TMEM26: variants seen among roughly 807,000 people sequenced by gnomAD.
The protein encoded by TMEM26 is transmembrane protein 26.
TMEM26 carries 38 observed loss-of-function variants against 28.8 expected under a neutral mutation model. The observed-to-expected ratio is 1.32, with a 90% CI of 1.02 to 1.73. TMEM26 has a LOEUF of 1.73. TMEM26 is among the 40% of genes most tolerant of loss of function. The pLI is 0.00. For missense variants in TMEM26, 518 were observed against 447.1 expected, an observed-to-expected ratio of 1.16 and a Z score of -1.43; for synonymous variants, 227 against 182.9, an observed-to-expected ratio of 1.24 and a Z score of -1.95.
chr10:61,410,298 C>T lies in TMEM26; in HGVS notation c.*24G>A, dbSNP rs1839546537. ...GAAGAACCAGGGAGTCAGGTTCTAG[C>T]CGCAGACCACTGTCAATCAATAACT... On this transcript the variant is annotated 3_prime_UTR_variant, in exon 6 of 6. Coordinates refer to ENST00000399298, the MANE Select transcript of TMEM26 (RefSeq NM_178505.8). 3 of 1,582,080 alleles carry T rather than the reference C, an allele frequency of 1.9e-6. No homozygotes were observed. Among genetic ancestry groups the T allele is most frequent in the African/African-American group, 2.7e-5 (2 of 74,202 alleles).
At chr10:61,412,167 G>C (rs1259712046) in intron 5 of TMEM26, among the ~76,000 whole-genome samples, 3 of 152,166 alleles carry the variant, frequency 2.0e-5, no homozygotes, top group Admixed American at 2.0e-4. Context: ...TATCTAATGT[G>C]ATGGCACCTA....
At chr10:61,436,884 G>A (rs532744810) in intron 1 of TMEM26, among the ~76,000 whole-genome samples, 15 of 152,206 alleles carry the variant, frequency 9.9e-5, no homozygotes, top group African/African-American at 3.1e-4. Context: ...AAAGGAATCC[G>A]AAGAGTGGAC....
chr10:61,426,377 T>C (rs1353305174), intron 4 of TMEM26, among the ~76,000 whole-genome samples: 3 of 152,106 alleles, frequency 2.0e-5, no homozygotes, highest in African/African-American at 7.2e-5. Flanking sequence ...CTAAATATCA[T>C]TAAACAATAG....
At chr10:61,442,031 C>T (rs1840102927) in intron 1 of TMEM26, among the ~76,000 whole-genome samples, 1 of 148,670 alleles carries the variant, frequency 6.7e-6, no homozygotes. Context: ...CTTAAAAATT[C>T]ATTTGTTTTG....
At chr10:61,413,100 A>C in intron 5 of TMEM26, 1 of 543,962 alleles carries the variant, frequency 1.8e-6, no homozygotes, top group Non-Finnish European at 2.8e-6. Context: ...CATGACAAGA[A>C]TCTTCAACCC....
chr10:61,432,316 T>G (rs1050045686), intron 2 of TMEM26, among the ~76,000 whole-genome samples: 4 of 152,154 alleles, frequency 2.6e-5, no homozygotes, highest in African/African-American at 9.7e-5. Context: ...TATGGAAAAT[T>G]CAACAACAGA....
intron 4 of TMEM26, among the ~76,000 whole-genome samples, chr10:61,421,950 T>C (rs143283752): frequency 8.9e-4 from 136 of 152,156 alleles, no homozygotes; most frequent in African/African-American, 3.2e-3. Flanking sequence ...TATATATATA[T>C]AATTTGAAAG....
At chr10:61,425,075 T>C (rs1564475846) in intron 4 of TMEM26, among the ~76,000 whole-genome samples, 1 of 152,330 alleles carries the variant, frequency 6.6e-6, no homozygotes, top group South Asian at 2.1e-4. Context: ...CAGTTCCACA[T>C]GGCTGGGTAG....
At chr10:61,432,799 T>A (rs906567124) in intron 2 of TMEM26, among the ~76,000 whole-genome samples, 4 of 152,164 alleles carry the variant, frequency 2.6e-5, no homozygotes, top group African/African-American at 9.7e-5. Context: ...CGACTAGTAT[T>A]ATGGTTGAAA....
chr10:61,435,483 G>C (rs1352020419), intron 2 of TMEM26, among the ~76,000 whole-genome samples: 1 of 152,160 alleles, frequency 6.6e-6, no homozygotes, highest in African/African-American at 2.4e-5. Flanking sequence ...CTGGCCGGAA[G>C]CTACTATTTT....
intron 1 of TMEM26, among the ~76,000 whole-genome samples, chr10:61,436,702 A>G (rs887654791): frequency 2.6e-5 from 4 of 152,230 alleles, no homozygotes; most frequent in Admixed American, 1.3e-4. Flanking sequence ...AAACAATAAT[A>G]TGATGCTGGA....
intron 4 of TMEM26, among the ~76,000 whole-genome samples, chr10:61,425,031 T>A (rs1564475827): frequency 1.3e-5 from 2 of 152,132 alleles, no homozygotes; most frequent in African/African-American, 4.8e-5. Context: ...CAACACTGGG[T>A]AATTTATACA....
At chr10:61,437,902 G>A (rs10994762) in intron 1 of TMEM26, among the ~76,000 whole-genome samples, 31,047 of 152,066 alleles carry the variant, frequency 0.2, 3,449 homozygotes, top group Middle Eastern at 0.31. Context: ...CTTTTAATAC[G>A]CAGCAATAGT....
At chr10:61,442,615 T>C (rs1840112219) in intron 1 of TMEM26, among the ~76,000 whole-genome samples, 2 of 152,220 alleles carry the variant, frequency 1.3e-5, no homozygotes, top group Admixed American at 1.3e-4. Context: ...GACCCAAGTT[T>C]CAAAATCTCA....
intron 2 of TMEM26, among the ~76,000 whole-genome samples, chr10:61,431,844 GT>G (rs1287157752): frequency 6.6e-6 from 1 of 151,902 alleles, no homozygotes; most frequent in East Asian, 1.9e-4. Flanking sequence ...AGTGAGCATA[GT>G]ACCTGATAAG....
intron 2 of TMEM26, among the ~76,000 whole-genome samples, chr10:61,435,591 G>A (rs187544082): frequency 8.5e-5 from 13 of 152,262 alleles, no homozygotes; most frequent in Admixed American, 2.6e-4. Context: ...CGGGGCTCTA[G>A]AAAAGAATTT....
intron 4 of TMEM26, among the ~76,000 whole-genome samples, chr10:61,420,529 A>T (rs1839727925): frequency 6.6e-6 from 1 of 152,160 alleles, no homozygotes; most frequent in Non-Finnish European, 1.5e-5. Context: ...AGACAGTGAA[A>T]TTATATATTT....
chr10:61,431,121 G>A (rs1035441051), intron 3 of TMEM26, 98 bp downstream of exon 3: 8 of 936,216 alleles, frequency 8.5e-6, no homozygotes, highest in South Asian at 1.6e-5. Flanking sequence ...CTTTCTTCAG[G>A]AAAGAATTAG....
chr10:61,414,856 A>G (rs1589025416), intron 4 of TMEM26: 1 of 343,252 alleles, frequency 2.9e-6, no homozygotes, highest in Admixed American at 6.5e-5. Context: ...TTGATGACAG[A>G]CATTCAGATT....
Sources: gnomAD v4.1 joint callset for allele counts (sites outside exome capture counted in the v4.1 genomes callset) on GRCh38, gnomAD v4.1.1 for gene constraint, MANE v1.5 for transcripts, NCBI Gene and HGNC (gene_info 2026-07-23, HGNC 2026-07-21) for gene names.